The following ZNF341 variants were observed in gnomAD, a reference collection of about 807,000 sequenced individuals.
ZNF341 encodes zinc finger protein 341.
Under a neutral mutation model 87.7 loss-of-function variants are expected in ZNF341, and 52 were observed. The observed-to-expected ratio is 0.59, with a 90% CI of 0.47 to 0.75. The LOEUF is 0.75. Ranked by LOEUF, ZNF341 falls within the 30% of genes least tolerant of loss-of-function variation. The pLI, the probability that ZNF341 is intolerant of heterozygous loss-of-function variation, is 0.00. For missense variants in ZNF341, 977 were observed against 1,145.9 expected (o/e 0.85, Z 2.13); for synonymous variants, 459 against 472.7 (o/e 0.97, Z 0.38).
chr20:33,768,378 C>A (rs546306873), intron 9 of ZNF341, among the ~76,000 whole-genome samples: 7 of 151,830 alleles, frequency 4.6e-5, no homozygotes, highest in Middle Eastern at 3.2e-3. Flanking sequence ...CCACCTCGGC[C>A]TCCCAGAGTG....
chr20:33,745,417 G>C (rs970564637), intron 3 of ZNF341, 118 bp downstream of exon 3: 14 of 1,002,904 alleles, frequency 1.4e-5, no homozygotes, highest in Non-Finnish European at 2.0e-5. Context: ...TGCCCTTGTG[G>C]AGTGGGGCGA....
intron 13 of ZNF341, 38 bp downstream of exon 13, chr20:33,789,012 G>A (rs748224389): frequency 6.5e-7 from 1 of 1,539,670 alleles, no homozygotes; most frequent in Non-Finnish European, 9.0e-7. Flanking sequence ...TGGGTAGCGG[G>A]ACAGATTCTC....
At chr20:33,779,448 CTTTTTTTTTTTT>C (rs34100674) in intron 10 of ZNF341, among the ~76,000 whole-genome samples, 1 of 129,080 alleles carries the variant, frequency 7.7e-6, no homozygotes, top group Non-Finnish European at 1.6e-5. Flanking sequence ...GACAATCTCC[CTTTTTTTTTTTT>C]TTTTTTTTGA....
intron 13 of ZNF341, 143 bp downstream of exon 13, chr20:33,789,117 C>T (rs1252532464): frequency 6.1e-5 from 39 of 640,160 alleles, no homozygotes; most frequent in Middle Eastern, 4.2e-4. Context: ...ACTCTGTCAT[C>T]CAGGCTGGAG....
At chr20:33,782,568 A>C (rs2019766623) in intron 11 of ZNF341, among the ~76,000 whole-genome samples, 1 of 152,230 alleles carries the variant, frequency 6.6e-6, no homozygotes, top group Non-Finnish European at 1.5e-5. Context: ...TCCGAGTAAA[A>C]GATACCATGA....
At position 33,791,304 on chromosome 20, in the gene ZNF341, G is replaced by A. The variant is rs1385180035; in HGVS notation, c.2352G>A (p.Val784=). ...TGAAGGACACAGGGGCTGGGCTGGT[G>A]CCCGAGGCTGTCCCCGGCAAGCCGC... ...EELKDTGAGL[V]PEAVPGKPPF... is the part of the protein sequence containing the mutation. Residue 784 remains valine, a synonymous_variant, in exon 15 of 15, where the codon GTG becomes GTA. Transcript: ENST00000375200. 3.7e-6 allele frequency: 6 copies of A among 1,611,456 alleles called. No homozygotes were observed. The highest frequency in any genetic ancestry group is 4.2e-6 in the Non-Finnish European group (5 of 1,179,470).
chr20:33,733,812 GGAGA>G (rs1320237711), intron 1 of ZNF341, among the ~76,000 whole-genome samples: 1 of 152,144 alleles, frequency 6.6e-6, no homozygotes, highest in Non-Finnish European at 1.5e-5. Context: ...GTCTGGTAGA[GGAGA>G]GAAATTATAA....
chr20:33,757,594 C>T (rs1036783758), intron 6 of ZNF341, among the ~76,000 whole-genome samples: 1 of 152,188 alleles, frequency 6.6e-6, no homozygotes, highest in African/African-American at 2.4e-5. Flanking sequence ...TTTCTGTTTC[C>T]ACCACCTCCA....
At chr20:33,764,533 G>A (rs2019359362) in intron 8 of ZNF341, among the ~76,000 whole-genome samples, 2 of 107,086 alleles carry the variant, frequency 1.9e-5, no homozygotes, top group South Asian at 6.9e-4. Context: ...ATATGTGTGT[G>A]TGTGTATGTG....
At chr20:33,748,217 G>T (rs972155372) in intron 3 of ZNF341, among the ~76,000 whole-genome samples, 1 of 151,964 alleles carries the variant, frequency 6.6e-6, no homozygotes, top group Non-Finnish European at 1.5e-5. Context: ...GACTACAGGC[G>T]CGCACTACCA....
intron 5 of ZNF341, among the ~76,000 whole-genome samples, chr20:33,755,037 G>A (rs2019148558): frequency 6.6e-6 from 1 of 152,146 alleles, no homozygotes. Context: ...CCACCTCTCA[G>A]GTTCAAGCGA....
intron 9 of ZNF341, among the ~76,000 whole-genome samples, chr20:33,769,593 G>T (rs932810880): frequency 6.6e-6 from 1 of 152,152 alleles, no homozygotes; most frequent in African/African-American, 2.4e-5. Flanking sequence ...ACGACTGGCT[G>T]AGAGGAGGGA....
chr20:33,770,432 A>T, intron 10 of ZNF341, 140 bp downstream of exon 10: 1 of 803,380 alleles, frequency 1.2e-6, no homozygotes, highest in Non-Finnish European at 1.9e-6. Context: ...GCTGGGGTCC[A>T]GCCTGGCAGA....
Position 33,770,290 on chromosome 20 carries a change from C to T in ZNF341, c.1620C>T (p.Tyr540=), listed in dbSNP as rs75053547. Residue 540 remains tyrosine, a splice_region_variant and synonymous_variant, in exon 10 of 15, where the codon TAC becomes TAT. Coordinates refer to ENST00000375200, the MANE Select transcript of ZNF341 (RefSeq NM_001282933.2). The stretch of plus-strand genomic sequence containing the variant: ...GCCCCAAGAAGGACAATGCCGTCTA[C>T]AAGTAAGTGCCTCCTGCTTCCCTCT... ...QHSPKKDNAV[Y]KCVKCVNKYS... 473 of 1,346,072 alleles carry T rather than the reference C, an allele frequency of 3.5e-4. 1 individual carries two copies. The African/African-American group carries it at 5.9e-3, about 17-fold the overall frequency. 83.4% of individuals were successfully genotyped at this position (1,346,072 alleles called of 1,614,324 possible). A position where few individuals can be genotyped will look rare whatever the true frequency, so the allele number is the denominator to read the frequency against.
At position 33,745,199 on chromosome 20, in the gene ZNF341, C is replaced by T. The variant is rs2018891377; in HGVS notation, c.239C>T (p.Ala80Val). 1.9e-6 allele frequency: 3 copies of T among 1,614,018 alleles called. No homozygotes were observed. Among genetic ancestry groups the T allele is most frequent in the Non-Finnish European group, 1.7e-6 (2 of 1,179,988 alleles). The change falls in exon 3 of 15, where the codon GCC becomes GTC. Residue 80 changes from alanine (A) to valine (V), a missense_variant. Transcript: ENST00000375200. ...AAGCGGGAACAGTGCCAGGGGAATG[C>T]CCCCGCCCTGGCCACAGTCTCACTG... is the stretch of plus-strand genomic sequence containing the variant. ...THKREQCQGNAPALATVSLAT... is the reference protein window; with the variant it reads ...THKREQCQGNVPALATVSLAT...
intron 3 of ZNF341, among the ~76,000 whole-genome samples, chr20:33,746,291 T>C (rs889815132): frequency 7.2e-6 from 1 of 139,438 alleles, no homozygotes; most frequent in Admixed American, 7.6e-5. Flanking sequence ...TGGAGTGCAG[T>C]GGCAGGATCT....
At chr20:33,753,769 C>T (rs986193788) in intron 5 of ZNF341, among the ~76,000 whole-genome samples, 2 of 152,158 alleles carry the variant, frequency 1.3e-5, no homozygotes, top group Non-Finnish European at 2.9e-5. Flanking sequence ...GCCTGAGTGT[C>T]TCTTACAGTT....
At chr20:33,790,886 C>A in intron 14 of ZNF341, 102 bp from the exon 15 acceptor site, 1 of 1,368,318 alleles carries the variant, frequency 7.3e-7, no homozygotes, top group Non-Finnish European at 9.8e-7. Flanking sequence ...CCAGATCACA[C>A]AGGTGCTGGT....
chr20:33,772,460 G>A (rs2019552548), intron 10 of ZNF341, among the ~76,000 whole-genome samples: 1 of 152,174 alleles, frequency 6.6e-6, no homozygotes. Context: ...AATACCTTGA[G>A]CTTAAAATGC....
Sources: allele counts gnomAD v4.1 joint callset (sites outside exome capture counted in the v4.1 genomes callset), GRCh38; gene constraint gnomAD v4.1.1; transcripts MANE v1.5; gene names NCBI Gene and HGNC (gene_info 2026-07-23, HGNC 2026-07-21).